Variants in CHD7 observed in about 807,000 individuals in gnomAD.
CHD7 encodes chromodomain helicase DNA binding protein 7.
CHD7 carries 24 observed loss-of-function variants against 307.3 expected under a neutral mutation model. That is an observed-to-expected ratio of 0.08 (90% CI 0.06 to 0.11). CHD7 has a LOEUF of 0.11. Ranked by LOEUF, CHD7 falls within the 10% of genes least tolerant of loss-of-function variation. The probability of loss-of-function intolerance (pLI) is 1.00; values close to 1 mark genes in which losing one functional copy is unlikely to be tolerated. For synonymous variants in CHD7, 1,363 were observed against 1,349.9 expected (o/e 1.01, Z -0.21); for missense variants, 3,106 against 3,727.1 (o/e 0.83, Z 4.34).
intron 1 of CHD7, among the ~76,000 whole-genome samples, chr8:60,739,908 G>GT (rs1355794551): frequency 2.0e-5 from 3 of 151,880 alleles, no homozygotes; most frequent in Non-Finnish European, 4.4e-5. Flanking sequence ...ACAAGATATT[G>GT]TTTTTTTCAA....
intron 33 of CHD7, 50 bp downstream of exon 33, chr8:60,856,252 C>G (rs746492944): frequency 3.6e-5 from 51 of 1,414,742 alleles, no homozygotes; most frequent in Non-Finnish European, 4.8e-5. Flanking sequence ...CTCTCTAAGC[C>G]TTAACTGAGT....
At chr8:60,736,308 G>A (rs1382097314) in intron 1 of CHD7, among the ~76,000 whole-genome samples, 1 of 152,166 alleles carries the variant, frequency 6.6e-6, no homozygotes, top group Non-Finnish European at 1.5e-5. Context: ...GGCAGTGGGA[G>A]GAGATTCCTG....
Position 60,822,592 on chromosome 8 carries a change from A to G in CHD7, c.3047A>G (p.His1016Arg), listed in dbSNP as rs750785243. The G allele has an allele frequency of 1.7e-5, 28 of 1,613,776 alleles. No individual in the cohort carries two copies. Among genetic ancestry groups the G allele is most frequent in the Non-Finnish European group, 2.2e-5 (26 of 1,179,782 alleles). Residue 1016 changes from histidine to arginine, a missense_variant, in exon 12 of 38, where the codon CAT becomes CGT. Coordinates refer to ENST00000423902, the MANE Select transcript of CHD7 (RefSeq NM_017780.4). Reference protein sequence around the residue: ...FLYEIYLKGIHGPFLVIAPLS... With the variant: ...FLYEIYLKGIRGPFLVIAPLS... The stretch of plus-strand genomic sequence containing the variant: ...TATGAGATATATTTGAAAGGAATCC[A>G]TGGCCCTTTTTTAGTAATTGCCCCA...
intron 2 of CHD7, among the ~76,000 whole-genome samples, chr8:60,762,063 A>G (rs1029912440): frequency 6.6e-6 from 1 of 151,968 alleles, no homozygotes; most frequent in East Asian, 1.9e-4. Context: ...CACATTTTTA[A>G]CCAGTCCTTC....
chr8:60,688,778 A>G (rs1806047132), intron 1 of CHD7, among the ~76,000 whole-genome samples: 1 of 152,160 alleles, frequency 6.6e-6, no homozygotes, highest in Non-Finnish European at 1.5e-5. Flanking sequence ...ATCCTAGATG[A>G]TCAGTGGTGT....
intron 2 of CHD7, among the ~76,000 whole-genome samples, chr8:60,748,392 G>T (rs141971655): frequency 6.6e-6 from 1 of 152,298 alleles, no homozygotes; most frequent in East Asian, 1.9e-4. Context: ...CTGGGGCTTA[G>T]TGGACAGAAA....
chr8:60,791,930 C>T (rs990091983), intron 3 of CHD7, among the ~76,000 whole-genome samples: 5 of 152,212 alleles, frequency 3.3e-5, no homozygotes, highest in Non-Finnish European at 7.3e-5. Context: ...GCAGTTGAAT[C>T]GGCCCAAATG....
intron 8 of CHD7, among the ~76,000 whole-genome samples, chr8:60,817,204 A>G (rs779797276): frequency 1.3e-5 from 2 of 152,212 alleles, no homozygotes; most frequent in South Asian, 2.1e-4. Flanking sequence ...CCTCAAGTAG[A>G]TAAAAGAAAA....
At chr8:60,860,687 G>A (rs555083705) in intron 34 of CHD7, among the ~76,000 whole-genome samples, 14 of 152,258 alleles carry the variant, frequency 9.2e-5, no homozygotes, top group African/African-American at 3.1e-4. Context: ...CGCCCACCTC[G>A]GCCTCCCAGA....
At chr8:60,680,237 C>A (rs971120568) in intron 1 of CHD7, among the ~76,000 whole-genome samples, 1 of 150,912 alleles carries the variant, frequency 6.6e-6, no homozygotes, top group Non-Finnish European at 1.5e-5. Flanking sequence ...GGAGGCCAAG[C>A]GGTCAGCGGG....
At chr8:60,787,924 G>T (rs1469585842) in intron 3 of CHD7, among the ~76,000 whole-genome samples, 1 of 149,976 alleles carries the variant, frequency 6.7e-6, no homozygotes. Context: ...AGGTTCAAGC[G>T]ATTCTACTGC....
In CHD7 at chr8:60,866,709, T is replaced by G. The variant is rs538090876; in HGVS notation, c.*776T>G. 1 of 152,794 alleles carries G rather than the reference T, an allele frequency of 6.5e-6. No homozygotes were observed. Among genetic ancestry groups the G allele is most frequent in the African/African-American group, 2.4e-5 (1 of 41,580 alleles). The allele number at this position is 152,794 out of a possible 1,614,324, so 9.5% of individuals were successfully genotyped here. ...GACTTTGTTACTTTAGCCACAAAGCTAAAACAGCATTACCTCAGCTCTAAA... is the reference window on the plus strand; with the variant it reads ...GACTTTGTTACTTTAGCCACAAAGCGAAAACAGCATTACCTCAGCTCTAAA... On this transcript the variant is annotated 3_prime_UTR_variant, in exon 38 of 38. Transcript: ENST00000423902.
At chr8:60,734,178 G>A (rs1398472318) in intron 1 of CHD7, among the ~76,000 whole-genome samples, 3 of 152,194 alleles carry the variant, frequency 2.0e-5, no homozygotes, top group East Asian at 3.9e-4. Flanking sequence ...TATTAACTGA[G>A]TGGTCAGTGT....
chr8:60,814,536 C>T (rs1039883651), intron 7 of CHD7, among the ~76,000 whole-genome samples: 3 of 152,188 alleles, frequency 2.0e-5, no homozygotes, highest in African/African-American at 7.2e-5. Flanking sequence ...ACCTCCACCT[C>T]TGGGGTTCAA....
chr8:60,717,376 CA>C (rs1807663161), intron 1 of CHD7, among the ~76,000 whole-genome samples: 1 of 152,088 alleles, frequency 6.6e-6, no homozygotes, highest in Non-Finnish European at 1.5e-5. Context: ...AAAGTTATTT[CA>C]CATTTTTCAT....
At chr8:60,761,025 A>G (rs1166281034) in intron 2 of CHD7, among the ~76,000 whole-genome samples, 3 of 152,134 alleles carry the variant, frequency 2.0e-5, no homozygotes, top group Non-Finnish European at 2.9e-5. Flanking sequence ...TCATGCTGCT[A>G]TAAAGACACA....
At position 60,726,370 on chromosome 8, in the gene CHD7, G is replaced by A. The variant is rs186243642; in HGVS notation, c.-174-14889G>A. Among the ~76,000 whole-genome samples, 25 of 152,188 alleles carry A rather than the reference G, an allele frequency of 1.6e-4. No homozygotes were observed. In the East Asian group the frequency reaches 4.8e-3, roughly 29 times the overall value. On this transcript the variant is annotated intron_variant, in intron 1 of 37. Coordinates refer to ENST00000423902, the MANE Select transcript of CHD7 (RefSeq NM_017780.4). ...CTGGAGATAAACCAAGAATCAGAGAGGTTAAGTAACTGGATCAAGGCCACG... is the reference window on the plus strand; with the variant it reads ...CTGGAGATAAACCAAGAATCAGAGAAGTTAAGTAACTGGATCAAGGCCACG...
intron 6 of CHD7, among the ~76,000 whole-genome samples, chr8:60,807,676 T>A (rs570668933): frequency 2.2e-4 from 34 of 152,370 alleles, no homozygotes; most frequent in African/African-American, 6.7e-4. Context: ...CTATGAATAG[T>A]GATGCACTGA....
chr8:60,712,758 A>G (rs1563535545), intron 1 of CHD7, among the ~76,000 whole-genome samples: 1 of 152,022 alleles, frequency 6.6e-6, no homozygotes, highest in Non-Finnish European at 1.5e-5. Context: ...CTCTACTAAA[A>G]ATATAAAAAT....
Sources: gnomAD v4.1 joint callset for allele counts (sites outside exome capture counted in the v4.1 genomes callset) on GRCh38, gnomAD v4.1.1 for gene constraint, MANE v1.5 for transcripts, NCBI Gene and HGNC (gene_info 2026-07-23, HGNC 2026-07-21) for gene names.